Variants in RBFOX1 observed in about 807,000 individuals in gnomAD.
RBFOX1 encodes the protein RNA binding protein fox-1 homolog 1.
RBFOX1 carries 8 observed loss-of-function variants against 57.7 expected under a neutral mutation model. The observed-to-expected ratio is 0.14, with a 90% CI of 0.08 to 0.25. The LOEUF is 0.25. RBFOX1 is among the 10% of genes least tolerant of loss of function. RBFOX1 has a pLI of 1.00. For synonymous variants in RBFOX1, 326 were observed against 222.4 expected (o/e 1.47, Z -4.15); for missense variants, 611 against 548.5 (o/e 1.11, Z -1.14).
At chr16:6,343,931 G>C (rs772609386) in intron 2 of RBFOX1, among the ~76,000 whole-genome samples, 1 of 152,076 alleles carries the variant, frequency 6.6e-6, no homozygotes, top group Non-Finnish European at 1.5e-5. Flanking sequence ...AGGTTTTCAC[G>C]AGTCTCTGGC....
intron 3 of RBFOX1, among the ~76,000 whole-genome samples, chr16:6,862,994 A>G (rs1019781362): frequency 2.6e-5 from 4 of 151,908 alleles, no homozygotes; most frequent in Non-Finnish European, 5.9e-5. Context: ...AAAAAAAAAA[A>G]AAGGAAGACA....
chr16:6,444,973 G>A (rs1036781420), intron 2 of RBFOX1, among the ~76,000 whole-genome samples: 1 of 152,090 alleles, frequency 6.6e-6, no homozygotes, highest in African/African-American at 2.4e-5. Context: ...TAAAACTGAT[G>A]GAGGGGAGGG....
chr16:7,321,884 G>C (rs2096550062), intron 4 of RBFOX1, among the ~76,000 whole-genome samples: 1 of 152,160 alleles, frequency 6.6e-6, no homozygotes. Flanking sequence ...GCCTGGCCAT[G>C]ACATCGCAGA....
rs574380304 is a variant in RBFOX1 at position 7,524,360 on chromosome 16, G to A, written c.270+5971G>A. 4.6e-5 allele frequency among the ~76,000 whole-genome samples: 7 copies of A among 152,286 alleles called. No individual in the cohort carries two copies. In the East Asian group the frequency reaches 1.2e-3, roughly 25 times the overall value. Reference sequence around the variant, plus strand: ...TTTAGTTCCCCACAGGCTGAGATGAGTCCCTGCAGGCCTTTTTTTCTGCTG... The same window carrying A: ...TTTAGTTCCCCACAGGCTGAGATGAATCCCTGCAGGCCTTTTTTTCTGCTG... On this transcript the variant is annotated intron_variant, in intron 5 of 15. Transcript: ENST00000550418.
intron 4 of RBFOX1, among the ~76,000 whole-genome samples, chr16:7,486,333 A>G (rs948945983): frequency 2.6e-5 from 4 of 151,368 alleles, no homozygotes; most frequent in South Asian, 2.1e-4. Flanking sequence ...CGGTTTCACC[A>G]TGTTGGCCAG....
intron 4 of RBFOX1, among the ~76,000 whole-genome samples, chr16:7,088,807 C>A (rs969060304): frequency 6.6e-6 from 1 of 152,100 alleles, no homozygotes; most frequent in Non-Finnish European, 1.5e-5. Flanking sequence ...CCCTGCTTTG[C>A]CAAGGGAGGG....
At chr16:7,594,954 T>C (rs1243826379) in intron 7 of RBFOX1, among the ~76,000 whole-genome samples, 1 of 152,170 alleles carries the variant, frequency 6.6e-6, no homozygotes, top group Non-Finnish European at 1.5e-5. Context: ...GAGTTTAAGA[T>C]TTATTATAAA....
chr16:7,029,110 A>G (rs1158837272), intron 3 of RBFOX1, among the ~76,000 whole-genome samples: 1 of 109,632 alleles, frequency 9.1e-6, no homozygotes, highest in Non-Finnish European at 1.8e-5. Flanking sequence ...ACACACACAC[A>G]CACACACACA....
At chr16:5,781,950 A>C (rs1187770415) in intron 3 of RBFOX1, among the ~76,000 whole-genome samples, 1 of 152,244 alleles carries the variant, frequency 6.6e-6, no homozygotes, top group African/African-American at 2.4e-5. Flanking sequence ...TCATGCCTGT[A>C]ATCCCAGCAC....
chr16:7,238,324 T>C (rs1480539119), intron 4 of RBFOX1, among the ~76,000 whole-genome samples: 1 of 84,700 alleles, frequency 1.2e-5, no homozygotes, highest in Non-Finnish European at 2.3e-5. Flanking sequence ...AGACTTAAAA[T>C]GGTAAAAAAA....
chr16:6,276,697 G>A (rs2075837672), intron 1 of RBFOX1, among the ~76,000 whole-genome samples: 1 of 150,280 alleles, frequency 6.7e-6, no homozygotes, highest in Non-Finnish European at 1.5e-5. Context: ...GACTGGTTAT[G>A]CAGATACTGG....
intron 1 of RBFOX1, among the ~76,000 whole-genome samples, chr16:6,209,343 C>T (rs1426280611): frequency 6.6e-6 from 1 of 152,180 alleles, no homozygotes; most frequent in Non-Finnish European, 1.5e-5. Context: ...TGTGTTTCTT[C>T]TGCATCAGGA....
intron 1 of RBFOX1, among the ~76,000 whole-genome samples, chr16:6,252,588 G>C (rs549259391): frequency 6.6e-6 from 1 of 150,404 alleles, no homozygotes; most frequent in South Asian, 2.2e-4. Flanking sequence ...CTGTTGATCT[G>C]CTTTCGTTTC....
chr16:5,598,221 C>G (rs2047250795), intron 2 of RBFOX1, among the ~76,000 whole-genome samples: 1 of 135,750 alleles, frequency 7.4e-6, no homozygotes, highest in Non-Finnish European at 1.6e-5. Context: ...GAGACTCTGT[C>G]TCAAAAAAAA....
chr16:5,531,109 G>A (rs981484816), intron 2 of RBFOX1, among the ~76,000 whole-genome samples: 1 of 151,730 alleles, frequency 6.6e-6, no homozygotes, highest in African/African-American at 2.4e-5. Context: ...TGGGTGAGAA[G>A]AGCAAGACTC....
At chr16:6,602,908 C>A (rs182858239) in intron 2 of RBFOX1, among the ~76,000 whole-genome samples, 2 of 152,250 alleles carry the variant, frequency 1.3e-5, no homozygotes, top group Non-Finnish European at 2.9e-5. Flanking sequence ...TTTCCCAAAT[C>A]CTGTCACTAA....
intron 14 of RBFOX1, among the ~76,000 whole-genome samples, chr16:7,686,830 G>T (rs1189652310): frequency 6.6e-6 from 1 of 152,102 alleles, no homozygotes; most frequent in African/African-American, 2.4e-5. Context: ...GAACTGGGGA[G>T]AATGTTAAAT....
chr16:7,644,378 C>G (rs1033843721), intron 11 of RBFOX1, among the ~76,000 whole-genome samples: 2 of 152,186 alleles, frequency 1.3e-5, no homozygotes, highest in African/African-American at 4.8e-5. Context: ...AATGGAGCCT[C>G]AGAGGTTGGA....
chr16:6,692,052 A>C (rs149355527), intron 3 of RBFOX1, among the ~76,000 whole-genome samples: 1 of 152,358 alleles, frequency 6.6e-6, no homozygotes, highest in East Asian at 1.9e-4. Context: ...CAGTCCAGTA[A>C]AAGACAAGTC....
Sources: allele counts gnomAD v4.1 joint callset (sites outside exome capture counted in the v4.1 genomes callset), GRCh38; gene constraint gnomAD v4.1.1; transcripts MANE v1.5; gene names NCBI Gene and HGNC (gene_info 2026-07-23, HGNC 2026-07-21).